The following KAZN variants were observed in gnomAD, a reference collection of about 807,000 sequenced individuals.
KAZN encodes kazrin, periplakin interacting protein, also known as kazrin.
A neutral mutation model predicts 87.4 loss-of-function variants in KAZN; 40 were observed. The ratio of observed to expected loss-of-function variants is 0.46; its 90% CI spans 0.36 to 0.60. The LOEUF (loss-of-function observed/expected upper bound fraction) is 0.60, where lower values mean the gene tolerates loss of function less well. Ranked by LOEUF, KAZN falls within the 20% of genes least tolerant of loss-of-function variation. The pLI is 0.00. For missense variants in KAZN, 898 were observed against 1,073.9 expected, an observed-to-expected ratio of 0.84 and a Z score of 2.29; for synonymous variants, 466 against 458.3, an observed-to-expected ratio of 1.02 and a Z score of -0.22.
rs974620043 is a variant in KAZN, at chr1:14,291,871, C to A, written c.249+111279C>A. Among the ~76,000 whole-genome samples the A allele has an allele frequency of 1.1e-4, 17 of 152,328 alleles. No homozygotes were observed. The East Asian group carries it at 1.5e-3, about 14-fold the overall frequency. Reference sequence around the variant, plus strand: ...AAGGGGCTTTTCCCCCTGTGCTTGGCAGTTCTCTCTCCTGCTGCCATTTGG... The same window carrying A: ...AAGGGGCTTTTCCCCCTGTGCTTGGAAGTTCTCTCTCCTGCTGCCATTTGG... On this transcript the variant is annotated intron_variant, in intron 2 of 16. Coordinates refer to the KAZN transcript ENST00000636203.
At chr1:14,527,508 C>T (rs1671943372) in intron 2 of KAZN, among the ~76,000 whole-genome samples, 1 of 145,272 alleles carries the variant, frequency 6.9e-6, no homozygotes, top group Non-Finnish European at 1.5e-5. Context: ...GAGACCATGC[C>T]ATTGCACTCC....
At chr1:14,795,873 A>G (rs144318867) in intron 1 of KAZN, among the ~76,000 whole-genome samples, 1 of 152,128 alleles carries the variant, frequency 6.6e-6, no homozygotes, top group Non-Finnish European at 1.5e-5. Context: ...CTCTGCACAA[A>G]GGTCACCTTT....
chr1:15,099,428 T>TA lies in KAZN; in HGVS notation c.1548-2113dup, dbSNP rs1321153630. Among the ~76,000 whole-genome samples, 1 of 152,206 alleles carries TA rather than the reference T, an allele frequency of 6.6e-6. No individual in the cohort carries two copies. Among genetic ancestry groups the TA allele is most frequent in the East Asian group, 1.9e-4 (1 of 5,192 alleles). On this transcript the variant is annotated intron_variant, in intron 10 of 14. Coordinates refer to ENST00000376030, the MANE Select transcript of KAZN (RefSeq NM_201628.3). The surrounding 1 kb of genome is among the most constrained non-coding windows in gnomAD (Gnocchi z 5.4). Reference sequence around the variant, plus strand: ...CTTTGAAGGAAAGCACTAGGGACAGTAAGCAGACTTGGGGGCAACTTCAGA... The same window carrying TA: ...CTTTGAAGGAAAGCACTAGGGACAGTAAAGCAGACTTGGGGGCAACTTCAGA...
intron 2 of KAZN, among the ~76,000 whole-genome samples, chr1:14,274,753 C>T (rs1466709626): frequency 1.3e-5 from 2 of 152,080 alleles, no homozygotes; most frequent in African/African-American, 4.8e-5. Context: ...TCAATTTCCT[C>T]AAATCTACAA....
At chr1:14,101,696 C>T (rs1366303781) in intron 1 of KAZN, among the ~76,000 whole-genome samples, 1 of 152,128 alleles carries the variant, frequency 6.6e-6, no homozygotes, top group Non-Finnish European at 1.5e-5. Context: ...TAGTGAGTTT[C>T]CTTTAATATT....
intron 1 of KAZN, among the ~76,000 whole-genome samples, chr1:14,010,098 C>T (rs1409015695): frequency 6.6e-6 from 1 of 152,048 alleles, no homozygotes; most frequent in Non-Finnish European, 1.5e-5. Context: ...CTAAATAATA[C>T]TAATTAAAAA....
intron 5 of KAZN, among the ~76,000 whole-genome samples, chr1:15,058,785 C>G (rs1243234902): frequency 6.6e-6 from 1 of 152,118 alleles, no homozygotes; most frequent in African/African-American, 2.4e-5. Flanking sequence ...CTTTGGGAGG[C>G]TGAGGTGGAC....
intron 1 of KAZN, among the ~76,000 whole-genome samples, chr1:14,053,829 C>T (rs1019871666): frequency 6.6e-6 from 1 of 152,184 alleles, no homozygotes; most frequent in South Asian, 2.1e-4. Flanking sequence ...TAGCTTTCTA[C>T]TGTCTGGAAG....
chr1:14,589,357 C>A (rs984048766), intron 2 of KAZN, among the ~76,000 whole-genome samples: 2 of 150,688 alleles, frequency 1.3e-5, no homozygotes, highest in Non-Finnish European at 1.5e-5. Flanking sequence ...GGAGGGGGGG[C>A]AGTCAATTAA....
chr1:14,851,864 C>A (rs1649485665), intron 1 of KAZN, among the ~76,000 whole-genome samples: 1 of 152,220 alleles, frequency 6.6e-6, no homozygotes, highest in Non-Finnish European at 1.5e-5. Context: ...CTAACCACCC[C>A]TGCAACTGCA....
At chr1:14,507,916 G>A (rs1455021220) in intron 2 of KAZN, among the ~76,000 whole-genome samples, 2 of 151,744 alleles carry the variant, frequency 1.3e-5, no homozygotes, top group Non-Finnish European at 2.9e-5. Context: ...GCAGTGAGTC[G>A]AGATCGCGCC....
intron 1 of KAZN, among the ~76,000 whole-genome samples, chr1:14,837,390 G>A (rs984793204): frequency 6.6e-6 from 1 of 151,976 alleles, no homozygotes; most frequent in African/African-American, 2.4e-5. Flanking sequence ...GTAGAGACGG[G>A]GTTTCTCCAT....
At chr1:14,758,582 G>T (rs1010418043) in intron 1 of KAZN, among the ~76,000 whole-genome samples, 4 of 152,130 alleles carry the variant, frequency 2.6e-5, no homozygotes, top group Non-Finnish European at 4.4e-5. Flanking sequence ...CAAAATGCTG[G>T]GATTACAGGC....
chr1:15,032,747 G>A (rs1208888601), intron 2 of KAZN, among the ~76,000 whole-genome samples: 4 of 151,862 alleles, frequency 2.6e-5, no homozygotes, highest in African/African-American at 4.8e-5. Context: ...TCAGGAGTTC[G>A]AGACCAGCCT....
intron 1 of KAZN, among the ~76,000 whole-genome samples, chr1:14,082,675 C>T (rs1396978632): frequency 6.6e-6 from 1 of 152,172 alleles, no homozygotes; most frequent in Admixed American, 6.5e-5. Context: ...TGCCGAACCT[C>T]CATATGCCTG....
chr1:14,921,366 G>A (rs1254369701), intron 1 of KAZN, among the ~76,000 whole-genome samples: 1 of 152,130 alleles, frequency 6.6e-6, no homozygotes, highest in Non-Finnish European at 1.5e-5. Flanking sequence ...TGGCCAATGG[G>A]CTACATAAAG....
intron 2 of KAZN, among the ~76,000 whole-genome samples, chr1:14,995,627 T>TAA (rs59636200): frequency 1.5e-5 from 2 of 135,784 alleles, no homozygotes; most frequent in African/African-American, 2.7e-5. Flanking sequence ...CCACCTCAAA[T>TAA]AAAAAAAAAA....
intron 2 of KAZN, among the ~76,000 whole-genome samples, chr1:14,426,827 G>A (rs959961792): frequency 3.3e-5 from 5 of 152,158 alleles, no homozygotes; most frequent in Admixed American, 2.6e-4. Flanking sequence ...GGCTGCTTCT[G>A]ATCACACCAA....
At chr1:14,966,129 G>A (rs964217125) in intron 2 of KAZN, among the ~76,000 whole-genome samples, 6 of 152,022 alleles carry the variant, frequency 3.9e-5, no homozygotes, top group East Asian at 1.9e-4. Context: ...ACAGGCACGC[G>A]CCACCATGCC....
Sources: gnomAD v4.1 joint callset for allele counts (sites outside exome capture counted in the v4.1 genomes callset) on GRCh38, gnomAD v4.1.1 for gene constraint, Gnocchi (gnomAD v3.1) non-coding constraint, MANE v1.5 for transcripts, NCBI Gene and HGNC (gene_info 2026-07-23, HGNC 2026-07-21) for gene names.